Variants in HSD17B10 observed in about 807,000 individuals in gnomAD.
The protein encoded by HSD17B10 is 3-hydroxyacyl-CoA dehydrogenase type-2.
For synonymous variants in HSD17B10, 90 were observed against 85.9 expected (o/e 1.05, Z -0.26); for missense variants, 87 against 219.4 (o/e 0.40, Z 3.81).
At chrX:53,433,641 TGGGA>T in intron 2 of HSD17B10, 77 bp downstream of exon 2, 2 of 984,575 alleles carry the variant, frequency 2.0e-6, no homozygotes, top group Non-Finnish European at 2.8e-6. Context: ...GAGACCCTTA[TGGGA>T]GGGACCCCCA....
rs1569365787 is a variant in HSD17B10 at position 53,432,274 on chromosome X, G to C, written c.330C>G (p.Thr110=). 5 of 1,210,976 alleles carry C rather than the reference G, an allele frequency of 4.1e-6. No individual in the cohort carries two copies. Among genetic ancestry groups the C allele is most frequent in the Non-Finnish European group, 4.5e-6 (4 of 894,965 alleles). Residue 110 remains threonine (T), a synonymous_variant, in exon 3 of 6, where the codon ACC becomes ACG. Transcript: ENST00000168216. ...TYNLKKGQTH[T]LEDFQRVLDV... ...CAAGAACTCGCTGGAAGTCTTCCAAGGTATGGGTCTGGCCCTTCTTTAAGT... is the reference window on the plus strand; with the variant it reads ...CAAGAACTCGCTGGAAGTCTTCCAACGTATGGGTCTGGCCCTTCTTTAAGT...
chrX:53,434,056 G>A (rs2075835450), intron 1 of HSD17B10, 170 bp from the exon 2 acceptor site: 3 of 603,100 alleles, frequency 5.0e-6, no homozygotes, highest in Non-Finnish European at 5.3e-6. Flanking sequence ...GGACCTCGGG[G>A]GCAGAAGGGA....
chrX:53,432,429 G>T lies in HSD17B10; in HGVS notation c.193-18C>A. On this transcript the variant is annotated intron_variant, in intron 2 of 5. Transcript: ENST00000168216. ...GAGGTCACCTTCAAAGAGAGAAGTG[G>T]AGAAGGTATTCATCTCCCAGCACCC... 2 of 1,189,675 alleles carry T rather than the reference G, an allele frequency of 1.7e-6. No homozygotes were observed. Among genetic ancestry groups the T allele is most frequent in the Non-Finnish European group, 2.3e-6 (2 of 880,706 alleles).
intron 1 of HSD17B10, 75 bp from the exon 2 acceptor site, chrX:53,433,961 C>T: frequency 9.2e-7 from 1 of 1,090,715 alleles, no homozygotes; most frequent in Non-Finnish European, 1.3e-6. Flanking sequence ...TGCCTGTTCT[C>T]CAGGCTTCTG....
chrX:53,431,920 A>G lies in HSD17B10; in HGVS notation c.487-14T>C, dbSNP rs1556894568. 1 of 1,209,182 alleles carries G rather than the reference A, an allele frequency of 8.3e-7. No individual in the cohort carries two copies. Among genetic ancestry groups the G allele is most frequent in the Admixed American group, 2.2e-5 (1 of 46,025 alleles). On this transcript the variant is annotated splice_polypyrimidine_tract_variant and intron_variant, in intron 4 of 5. Coordinates refer to ENST00000168216, the MANE Select transcript of HSD17B10 (RefSeq NM_004493.3). The stretch of plus-strand genomic sequence containing the variant: ...AGCTTGTCCAACCTGGAGAAAGAGT[A>G]GAAGTCATAGGTGGGAGGGCCCCAA...
At chrX:53,431,707 G>A in intron 5 of HSD17B10, 91 bp downstream of exon 5, 3 of 1,015,620 alleles carry the variant, frequency 3.0e-6, no homozygotes, top group Non-Finnish European at 4.1e-6. Flanking sequence ...ATAAAAGGCT[G>A]CTGCTGCTTA....
chrX:53,434,247 T>C, intron 1 of HSD17B10, 72 bp downstream of exon 1: 1 of 1,089,890 alleles, frequency 9.2e-7, no homozygotes, highest in Non-Finnish European at 1.2e-6. Flanking sequence ...CCGATCTCTT[T>C]CTCCTAGTTC....
chrX:53,431,758 A>C, intron 5 of HSD17B10, 40 bp downstream of exon 5: 3 of 1,125,622 alleles, frequency 2.7e-6, no homozygotes, highest in Non-Finnish European at 3.7e-6. Context: ...CATGGATCCC[A>C]CCCAATCCCA....
intron 3 of HSD17B10, 63 bp downstream of exon 3, chrX:53,432,184 G>T: frequency 8.3e-7 from 1 of 1,207,243 alleles, no homozygotes; most frequent in South Asian, 1.8e-5. Context: ...TAAAAACTTT[G>T]GGGTCCTCCA....
In HSD17B10 at chrX:53,431,988, C is replaced by T; in HGVS notation, c.486G>A (p.Gln162=). The change falls in exon 4 of 6, where the codon CAG becomes CAA. Residue 162 remains glutamine, a splice_region_variant and synonymous_variant. Coordinates refer to ENST00000168216, the MANE Select transcript of HSD17B10 (RefSeq NM_004493.3). ...NTASVAAFEG[Q]VGQAAYSASK... ...ATAAGTCTTACCCCTGCCCACACAC[C>T]TGACCCTCGAAGGCAGCCACACTGG... is the stretch of plus-strand genomic sequence containing the variant. The T allele has an allele frequency of 8.3e-7, 1 of 1,211,682 alleles. No individual in the cohort carries two copies. The highest frequency in any genetic ancestry group is 1.8e-5 in the South Asian group (1 of 56,974).
At chrX:53,433,962 C>G in intron 1 of HSD17B10, 76 bp from the exon 2 acceptor site, 1 of 1,096,619 alleles carries the variant, frequency 9.1e-7, no homozygotes, top group African/African-American at 1.8e-5. Context: ...GCCTGTTCTC[C>G]AGGCTTCTGA....
chrX:53,433,316 C>A (rs1556894829), intron 2 of HSD17B10, among the ~76,000 whole-genome samples: 1 of 112,074 alleles, frequency 8.9e-6, no homozygotes, highest in African/African-American at 3.2e-5. Context: ...TAAAAAATAA[C>A]CCTCTTGTGA....
rs182999706 is a variant in HSD17B10 at position 53,432,021 on chromosome X, G to A, written c.453C>T (p.Ile151=). 1.7e-6 allele frequency: 2 copies of A among 1,209,787 alleles called. No homozygotes were observed. The highest frequency in any genetic ancestry group is 5.9e-5 in the East Asian group (2 of 33,762). ...PDQGGQRGVI[I]NTASVAAFEG... ...CGAAGGCAGCCACACTGGCAGTGTTGATGATGACCCCACGTTGGCCTCCCT... is the reference window on the plus strand; with the variant it reads ...CGAAGGCAGCCACACTGGCAGTGTTAATGATGACCCCACGTTGGCCTCCCT... The change falls in exon 4 of 6, where the codon ATC becomes ATT. Residue 151 remains isoleucine, a synonymous_variant. Transcript: ENST00000168216.
At chrX:53,433,589 G>A (rs2075833599) in intron 2 of HSD17B10, 133 bp downstream of exon 2, 9 of 605,401 alleles carry the variant, frequency 1.5e-5, no homozygotes, top group Non-Finnish European at 1.9e-5. Context: ...TGAAGGCTCA[G>A]GCCAAAAGAG....
chrX:53,431,770 G>T (rs782197443), intron 5 of HSD17B10, 28 bp downstream of exon 5: 3 of 1,148,657 alleles, frequency 2.6e-6, no homozygotes, highest in East Asian at 6.0e-5. Flanking sequence ...CCAATCCCAG[G>T]TATGATGGAG....
At chrX:53,432,461 C>G (rs2075828860) in intron 2 of HSD17B10, 50 bp from the exon 3 acceptor site, 1 of 1,075,797 alleles carries the variant, frequency 9.3e-7, no homozygotes, top group Admixed American at 2.2e-5. Flanking sequence ...ACCCACTCTT[C>G]CCACTAAACC....
intron 2 of HSD17B10, chrX:53,432,842 TC>T: frequency 5.1e-6 from 1 of 194,370 alleles, no homozygotes. Flanking sequence ...TGAGACTCTG[TC>T]CCAAAAAAAA....
intron 2 of HSD17B10, chrX:53,433,156 G>A (rs915226488): frequency 9.6e-5 from 11 of 114,477 alleles, no homozygotes; most frequent in Non-Finnish European, 2.0e-4. Context: ...TTAGCTGGGC[G>A]TGGTGGCAGG....
chrX:53,433,985 A>G (rs993657220), intron 1 of HSD17B10, 99 bp from the exon 2 acceptor site: 10 of 970,449 alleles, frequency 1.0e-5, no homozygotes, highest in East Asian at 3.3e-5. Flanking sequence ...AGAAGGGGGG[A>G]GGGGAGAGGT....
Sources: allele counts gnomAD v4.1 joint callset (sites outside exome capture counted in the v4.1 genomes callset), GRCh38; gene constraint gnomAD v4.1.1; transcripts MANE v1.5; gene names NCBI Gene and HGNC (gene_info 2026-07-23, HGNC 2026-07-21).